VAV3: variants seen among roughly 807,000 people sequenced by gnomAD.
The protein encoded by VAV3 is guanine nucleotide exchange factor VAV3.
A neutral mutation model predicts 131.2 loss-of-function variants in VAV3; 94 were observed. That is an observed-to-expected ratio of 0.72 (90% CI 0.61 to 0.85). VAV3 has a LOEUF of 0.85. Among genes scored for constraint, VAV3 ranks in the 40% least tolerant of loss-of-function variants. The pLI is 0.00. For synonymous variants in VAV3, 349 were observed against 342.0 expected, an observed-to-expected ratio of 1.02 and a Z score of -0.22; for missense variants, 939 against 1,002.7, an observed-to-expected ratio of 0.94 and a Z score of 0.86.
intron 17 of VAV3, among the ~76,000 whole-genome samples, chr1:107,694,001 A>T (rs529032606): frequency 5.1e-4 from 77 of 152,276 alleles, no homozygotes; most frequent in African/African-American, 1.8e-3. Context: ...AAGTCACAAG[A>T]TCAAACTGAT....
chr1:107,821,509 G>T (rs1026725350), intron 2 of VAV3, among the ~76,000 whole-genome samples: 7 of 152,214 alleles, frequency 4.6e-5, no homozygotes, highest in Admixed American at 3.3e-4. Context: ...GGCCAGTCAT[G>T]TGAAGATCGT....
chr1:107,669,689 C>CT (rs940531132), intron 19 of VAV3, among the ~76,000 whole-genome samples: 20 of 150,450 alleles, frequency 1.3e-4, no homozygotes, highest in African/African-American at 3.7e-4. Flanking sequence ...TTAGTTTTTT[C>CT]TTTTTTTTTA....
At chr1:107,770,053 C>T (rs1209140204) in intron 6 of VAV3, among the ~76,000 whole-genome samples, 1 of 152,152 alleles carries the variant, frequency 6.6e-6, no homozygotes, top group South Asian at 2.1e-4. Flanking sequence ...TAGAAGCCCA[C>T]CAGCTCTCCC....
At position 107,644,792 on chromosome 1, in the gene VAV3, T is replaced by C. The variant is rs150046098; in HGVS notation, c.1778-2037A>G. ...AATGCCCAGGCTCCATAAGAGGCTG[T>C]AAGGTGTTAGGGATGGAGCAATGCT... is the stretch of plus-strand genomic sequence containing the variant. On this transcript the variant is annotated intron_variant, in intron 19 of 26. Transcript: ENST00000370056. 1.1e-3 allele frequency among the ~76,000 whole-genome samples: 163 copies of C among 152,170 alleles called. 1 individual carries two copies. The highest frequency in any genetic ancestry group is 3.8e-3 in the African/African-American group (158 of 41,546).
chr1:107,757,423 T>TTTA, intron 10 of VAV3, 94 bp from the exon 11 acceptor site: 3 of 1,088,736 alleles, frequency 2.8e-6, no homozygotes, highest in Non-Finnish European at 3.9e-6. Context: ...TTATTATTGG[T>TTTA]TTTCTCTCTA....
At chr1:107,693,734 T>C (rs1161043814) in intron 17 of VAV3, among the ~76,000 whole-genome samples, 1 of 152,184 alleles carries the variant, frequency 6.6e-6, no homozygotes, top group African/African-American at 2.4e-5. Flanking sequence ...GTGCCACTCC[T>C]CTGAACTTGG....
At chr1:107,620,090 A>G (rs1327198780) in intron 20 of VAV3, among the ~76,000 whole-genome samples, 3 of 152,178 alleles carry the variant, frequency 2.0e-5, no homozygotes, top group African/African-American at 7.2e-5. Context: ...TTATTGTTCA[A>G]CATGGTCTTC....
chr1:107,740,645 C>A (rs551648552), intron 15 of VAV3, among the ~76,000 whole-genome samples: 3 of 152,072 alleles, frequency 2.0e-5, no homozygotes, highest in Non-Finnish European at 2.9e-5. Flanking sequence ...AAGGCCACAG[C>A]GTGGTTTCAT....
At chr1:107,794,486 G>A (rs17484960) in intron 2 of VAV3, among the ~76,000 whole-genome samples, 72,581 of 152,080 alleles carry the variant, frequency 0.48, 17,509 homozygotes, top group Non-Finnish European at 0.49. Flanking sequence ...GATTTAAGAA[G>A]AAAGCTTAAG....
At chr1:107,910,949 T>G (rs1190271188) in intron 1 of VAV3, among the ~76,000 whole-genome samples, 2 of 150,748 alleles carry the variant, frequency 1.3e-5, no homozygotes, top group Admixed American at 1.3e-4. Context: ...CATTGCACTC[T>G]GGGCTGGGTC....
At chr1:107,629,472 G>C (rs948571060) in intron 20 of VAV3, among the ~76,000 whole-genome samples, 2 of 152,112 alleles carry the variant, frequency 1.3e-5, no homozygotes, top group African/African-American at 4.8e-5. Context: ...TGGATGACAC[G>C]ATCAGAATTG....
At chr1:107,580,122 T>G (rs745406163) in intron 25 of VAV3, among the ~76,000 whole-genome samples, 5 of 152,226 alleles carry the variant, frequency 3.3e-5, no homozygotes, top group Non-Finnish European at 5.9e-5. Context: ...ACAGCGATTC[T>G]GGAGGGCAGG....
chr1:107,775,188 G>T, intron 4 of VAV3, among the ~76,000 whole-genome samples: 1 of 147,972 alleles, frequency 6.8e-6, no homozygotes, highest in Non-Finnish European at 1.5e-5. Context: ...ATCCTCACTG[G>T]ATTTATCCTG....
At chr1:107,767,543 T>C (rs1490551332) in intron 7 of VAV3, among the ~76,000 whole-genome samples, 1 of 152,228 alleles carries the variant, frequency 6.6e-6, no homozygotes, top group East Asian at 1.9e-4. Flanking sequence ...TCAACAAGAA[T>C]GTCCTCATTC....
chr1:107,884,139 TAA>T (rs532625931), intron 1 of VAV3, among the ~76,000 whole-genome samples: 18 of 138,480 alleles, frequency 1.3e-4, no homozygotes, highest in Admixed American at 1.5e-4. Flanking sequence ...GGGCCCAGTT[TAA>T]AAAAAAAAAA....
At chr1:107,875,109 A>C in intron 1 of VAV3, 92 bp from the exon 2 acceptor site, 2 of 1,103,982 alleles carry the variant, frequency 1.8e-6, no homozygotes, top group Non-Finnish European at 2.7e-6. Flanking sequence ...AAAAATGACA[A>C]GAAAGCATCA....
At chr1:107,602,986 A>G in intron 23 of VAV3, 61 bp downstream of exon 23, 1 of 1,358,738 alleles carries the variant, frequency 7.4e-7, no homozygotes, top group African/African-American at 1.4e-5. Context: ...TACATGTCAG[A>G]TGGTCTATGC....
chr1:107,807,409 C>T (rs535299505), intron 2 of VAV3, among the ~76,000 whole-genome samples: 1 of 152,268 alleles, frequency 6.6e-6, no homozygotes, highest in African/African-American at 2.4e-5. Flanking sequence ...TTATCCTTTG[C>T]TCTTATATTG....
At chr1:107,893,911 C>G (rs1336803582) in intron 1 of VAV3, among the ~76,000 whole-genome samples, 1 of 152,176 alleles carries the variant, frequency 6.6e-6, no homozygotes, top group African/African-American at 2.4e-5. Context: ...TAGGAAAACT[C>G]TTTCATGAAA....
Sources: gnomAD v4.1 joint callset for allele counts (sites outside exome capture counted in the v4.1 genomes callset) on GRCh38, gnomAD v4.1.1 for gene constraint, MANE v1.5 for transcripts, NCBI Gene and HGNC (gene_info 2026-07-23, HGNC 2026-07-21) for gene names.